SPATA25: variants seen among roughly 807,000 people sequenced by gnomAD.
SPATA25 encodes the protein spermatogenesis associated 25, also known as spermatogenesis-associated protein 25.
Under a neutral mutation model 16.0 loss-of-function variants are expected in SPATA25, and 16 were observed. The observed-to-expected ratio is 1.00, with a 90% CI of 0.68 to 1.52. The LOEUF is 1.52. SPATA25 is among the 40% of genes most tolerant of loss of function. The pLI, the probability that SPATA25 is intolerant of heterozygous loss-of-function variation, is 0.00. For synonymous variants in SPATA25, 115 were observed against 118.5 expected (o/e 0.97, Z 0.19); for missense variants, 285 against 289.2 (o/e 0.99, Z 0.11).
Position 45,886,883 on chromosome 20 carries a change from A to T in SPATA25, c.318T>A (p.Asn106Lys). ...CAGGGGCTCTGCTTCTGGAGTAGCC[A>T]TTGTCCCAGCCCAAGCTCTCCAGCT... ...VRQLESLGWD[N>K]GYSRSRAPDL... is the part of the protein sequence containing the mutation. The change falls in exon 2 of 2, where the codon AAT (asparagine) becomes AAA (lysine). Residue 106 changes from asparagine (N) to lysine (K), a missense_variant. By Grantham distance (94) the Asn-to-Lys change is moderately conservative (BLOSUM62 0). Coordinates refer to ENST00000372519, the MANE Select transcript of SPATA25 (RefSeq NM_080608.4). The T allele has an allele frequency of 6.2e-7, 1 of 1,614,090 alleles. No individual in the cohort carries two copies.
At chr20:45,887,488 CAG>C (rs778043639) in intron 1 of SPATA25, 46 bp downstream of exon 1, 21 of 1,592,298 alleles carry the variant, frequency 1.3e-5, no homozygotes, top group Non-Finnish European at 1.6e-5. Context: ...AGCAACTTCT[CAG>C]GGGAAGCTGC....
upstream of SPATA25, chr20:45,887,713 T>C (rs1021789158): frequency 1.2e-5 from 10 of 815,992 alleles, no homozygotes; most frequent in Admixed American, 1.7e-4. Flanking sequence ...CTTTACAGCG[T>C]TGACCTATTC....
At chr20:45,888,733 C>CT, upstream of SPATA25, 1 of 1,612,834 alleles carries the variant, frequency 6.2e-7, no homozygotes, top group South Asian at 1.1e-5. Flanking sequence ...CAGGATGCAG[C>CT]TGTGCTCTGG....
intron 1 of SPATA25, among the ~76,000 whole-genome samples, 195 bp downstream of exon 1, chr20:45,887,341 G>T (rs543405112): frequency 2.6e-5 from 4 of 152,354 alleles, no homozygotes; most frequent in African/African-American, 9.6e-5. Context: ...AGAAGCGTTT[G>T]TTGAATTAAT....
upstream of SPATA25, chr20:45,890,839 G>A (rs1266690049): frequency 1.9e-6 from 3 of 1,568,522 alleles, no homozygotes; most frequent in African/African-American, 1.4e-5. Flanking sequence ...AGCACACGCC[G>A]TGGGCGAAGC....
chr20:45,890,130 G>C (rs1448927512), upstream of SPATA25: 6 of 1,113,968 alleles, frequency 5.4e-6, no homozygotes, highest in Non-Finnish European at 7.9e-6. Context: ...TTTGAAGCTA[G>C]ATTCTCCCAC....
chr20:45,890,438 G>A (rs780412328), upstream of SPATA25: 1 of 1,609,182 alleles, frequency 6.2e-7, no homozygotes, highest in African/African-American at 1.3e-5. Context: ...GCTACGGCGC[G>A]CGGTCGGAGG....
upstream of SPATA25, among the ~76,000 whole-genome samples, chr20:45,889,511 C>T (rs1986639055): frequency 6.6e-6 from 1 of 152,108 alleles, no homozygotes; most frequent in African/African-American, 2.4e-5. Flanking sequence ...CACCACCATG[C>T]CCAGATAATT....
upstream of SPATA25, among the ~76,000 whole-genome samples, chr20:45,889,357 C>CTT (rs10709455): frequency 0.012 from 1,728 of 145,726 alleles, 41 homozygotes; most frequent in African/African-American, 0.041. Flanking sequence ...TCTTTTCTTT[C>CTT]TTTTTTTTTT....
chr20:45,888,768 T>C (rs1338223832), upstream of SPATA25: 1 of 1,613,984 alleles, frequency 6.2e-7, no homozygotes, highest in Admixed American at 1.7e-5. Context: ...TCACTCATAC[T>C]TGCAGAAATC....
upstream of SPATA25, chr20:45,890,571 G>GGGTTGGAGGTC (rs1271693524): frequency 1.2e-6 from 2 of 1,612,256 alleles, no homozygotes; most frequent in Non-Finnish European, 1.7e-6. Context: ...TCCACGAGGA[G>GGGTTGGAGGTC]GGTTGGAGGT....
chr20:45,887,543 G>A lies in SPATA25; in HGVS notation c.48C>T (p.Ser16=), dbSNP rs535223101. ...TPQTHPGPLP[S]GQGGAASPGL... Reference sequence around the variant, plus strand: ...CAGGTGCCCCCCGCTCACCTTGGCCGGAAGGCAGAGGACCTGGATGAGTTT... The same window carrying A: ...CAGGTGCCCCCCGCTCACCTTGGCCAGAAGGCAGAGGACCTGGATGAGTTT... Residue 16 remains serine, a synonymous_variant, in exon 1 of 2, where the codon TCC becomes TCT. Transcript: ENST00000372519. The A allele has an allele frequency of 9.7e-5, 157 of 1,613,570 alleles. 1 individual carries two copies. The highest frequency in any genetic ancestry group is 8.7e-4 in the East Asian group (39 of 44,858).
At chr20:45,888,191 T>G (rs554511042), upstream of SPATA25, among the ~76,000 whole-genome samples, 1 of 152,254 alleles carries the variant, frequency 6.6e-6, no homozygotes, top group East Asian at 1.9e-4. Context: ...CTAACTTTTG[T>G]ATTTTTAGTA....
Position 45,886,542 on chromosome 20 carries a change from C to T in SPATA25, c.659G>A (p.Gly220Asp), listed in dbSNP as rs1285040157. Residue 220 changes from glycine to aspartate, a missense_variant, in exon 2 of 2, where the codon GGC (glycine) becomes GAC (aspartate). Physicochemically the swap from Gly to Asp is moderately conservative, Grantham distance 94. Transcript: ENST00000372519. ...GKMPLVRSKR[G>D]QPPGSCL ...CTACAAGCAGGAGCCAGGAGGCTGG[C>T]CCCTTTTAGATCTCACTAGGGGCAT... 6.3e-7 allele frequency: 1 copy of T among 1,582,994 alleles called. No homozygotes were observed. The highest frequency in any genetic ancestry group is 8.6e-7 in the Non-Finnish European group (1 of 1,159,758).
At chr20:45,887,169 A>C (rs1411060306) in intron 1 of SPATA25, 24 bp from the exon 2 acceptor site, 1 of 1,562,310 alleles carries the variant, frequency 6.4e-7, no homozygotes. Flanking sequence ...AATGAAATGG[A>C]ACGTTATTCT....
intron 1 of SPATA25, 37 bp downstream of exon 1, chr20:45,887,499 G>A: frequency 6.2e-7 from 1 of 1,608,164 alleles, no homozygotes; most frequent in Non-Finnish European, 8.5e-7. Flanking sequence ...AGGGGAAGCT[G>A]CCGCACTCCC....
chr20:45,887,521 G>T lies in SPATA25; in HGVS notation c.55+15C>A, dbSNP rs367631426. Reference sequence around the variant, plus strand: ...GCTGCCGCACTCCCTCCAATTGCAGGTGCCCCCCGCTCACCTTGGCCGGAA... The same window carrying T: ...GCTGCCGCACTCCCTCCAATTGCAGTTGCCCCCCGCTCACCTTGGCCGGAA... On this transcript the variant is annotated intron_variant, in intron 1 of 1. Transcript: ENST00000372519. 2.5e-6 allele frequency: 4 copies of T among 1,612,218 alleles called. No homozygotes were observed. Among genetic ancestry groups the T allele is most frequent in the South Asian group, 1.1e-5 (1 of 90,712 alleles).
chr20:45,888,604 G>T, upstream of SPATA25: 1 of 689,956 alleles, frequency 1.4e-6, no homozygotes, highest in Non-Finnish European at 2.4e-6. Context: ...GACTCTCATA[G>T]GCTGTAGGGG....
At chr20:45,888,681 A>G, upstream of SPATA25, 2 of 1,426,554 alleles carry the variant, frequency 1.4e-6, no homozygotes, top group South Asian at 1.2e-5. Context: ...GCTGGCAGCA[A>G]TGTGGCCAAC....
Sources: allele counts gnomAD v4.1 joint callset (sites outside exome capture counted in the v4.1 genomes callset), GRCh38; gene constraint gnomAD v4.1.1; transcripts MANE v1.5; gene names NCBI Gene and HGNC (gene_info 2026-07-23, HGNC 2026-07-21).